The following NSMCE2 variants were observed in gnomAD, a reference collection of about 807,000 sequenced individuals.
The protein encoded by NSMCE2 is E3 SUMO-protein ligase NSE2.
In NSMCE2, 24 loss-of-function variants were observed where a neutral mutation model predicts 23.8. The observed-to-expected ratio is 1.01, with a 90% CI of 0.73 to 1.42. The LOEUF is 1.42. NSMCE2 is among the 40% of genes most tolerant of loss of function. NSMCE2 has a pLI of 0.00. For missense variants in NSMCE2, 284 were observed against 296.5 expected, an observed-to-expected ratio of 0.96 and a Z score of 0.31; for synonymous variants, 92 against 94.1, an observed-to-expected ratio of 0.98 and a Z score of 0.13.
chr8:125,354,012 A>C (rs1813150430), intron 5 of NSMCE2, among the ~76,000 whole-genome samples: 1 of 150,008 alleles, frequency 6.7e-6, no homozygotes, highest in South Asian at 2.1e-4. Context: ...GCTCACTGCA[A>C]TCTCCACCTC....
chr8:125,157,466 G>C (rs1184920568), intron 4 of NSMCE2, among the ~76,000 whole-genome samples: 1 of 152,204 alleles, frequency 6.6e-6, no homozygotes, highest in African/African-American at 2.4e-5. Flanking sequence ...TCACTCTTCA[G>C]ACACTTGGAA....
At chr8:125,291,112 A>G (rs751820734) in intron 5 of NSMCE2, among the ~76,000 whole-genome samples, 51 of 152,322 alleles carry the variant, frequency 3.3e-4, no homozygotes, top group Non-Finnish European at 5.4e-4. Flanking sequence ...TAAGAAAGTT[A>G]AAAGGGGGAG....
At chr8:125,348,149 T>G (rs1812860469) in intron 5 of NSMCE2, 1 of 152,202 alleles carries the variant, frequency 6.6e-6, no homozygotes, top group Non-Finnish European at 1.5e-5. Flanking sequence ...ATACCATGCA[T>G]GTCTAGCAGA....
At chr8:125,239,842 T>C (rs570454186) in intron 5 of NSMCE2, among the ~76,000 whole-genome samples, 20 of 152,174 alleles carry the variant, frequency 1.3e-4, no homozygotes, top group Middle Eastern at 3.2e-3. Flanking sequence ...TTCCTGCTAA[T>C]AGAAAAGTAT....
intron 5 of NSMCE2, among the ~76,000 whole-genome samples, chr8:125,303,720 T>G (rs977287688): frequency 6.6e-6 from 1 of 152,186 alleles, no homozygotes; most frequent in African/African-American, 2.4e-5. Context: ...AGAGGAAATT[T>G]AAATAGTACA....
chr8:125,267,105 A>G (rs375206345), intron 5 of NSMCE2, among the ~76,000 whole-genome samples: 1 of 149,222 alleles, frequency 6.7e-6, no homozygotes. Flanking sequence ...CCTGGGTTCA[A>G]GCAATTCTCT....
chr8:125,148,405 A>G (rs1450145509), intron 3 of NSMCE2, among the ~76,000 whole-genome samples: 1 of 152,188 alleles, frequency 6.6e-6, no homozygotes, highest in African/African-American at 2.4e-5. Context: ...GCTCTTTTGT[A>G]GCATTTTGAA....
intron 5 of NSMCE2, among the ~76,000 whole-genome samples, chr8:125,226,612 T>C (rs1171481963): frequency 6.6e-6 from 1 of 152,196 alleles, no homozygotes; most frequent in Non-Finnish European, 1.5e-5. Context: ...TCTCACTTTC[T>C]GACTCCTGGA....
At chr8:125,265,083 T>G (rs1826856712) in intron 5 of NSMCE2, among the ~76,000 whole-genome samples, 1 of 152,068 alleles carries the variant, frequency 6.6e-6, no homozygotes, top group Non-Finnish European at 1.5e-5. Context: ...TATATACAGT[T>G]CAACAGGGCC....
At chr8:125,132,075 A>G (rs540748282) in intron 3 of NSMCE2, among the ~76,000 whole-genome samples, 11 of 152,260 alleles carry the variant, frequency 7.2e-5, no homozygotes, top group East Asian at 3.9e-4. Flanking sequence ...CTAAAAATAT[A>G]TGTGTATTCA....
intron 7 of NSMCE2, among the ~76,000 whole-genome samples, chr8:125,359,419 C>T (rs547131626): frequency 4.0e-5 from 6 of 150,168 alleles, no homozygotes; most frequent in South Asian, 2.1e-4. Context: ...CCACAACCTC[C>T]GTCTCCCAGG....
At chr8:125,284,551 C>T (rs2131139510) in intron 5 of NSMCE2, among the ~76,000 whole-genome samples, 1 of 152,312 alleles carries the variant, frequency 6.6e-6, no homozygotes, top group South Asian at 2.1e-4. Context: ...TCAGGATTTT[C>T]AGTTCTTTCT....
At chr8:125,098,627 T>C (rs1360327501) in intron 1 of NSMCE2, among the ~76,000 whole-genome samples, 1 of 152,098 alleles carries the variant, frequency 6.6e-6, no homozygotes. Flanking sequence ...GGTTGGATTC[T>C]GGAGATAGTT....
intron 3 of NSMCE2, among the ~76,000 whole-genome samples, chr8:125,110,461 A>T (rs1818676275): frequency 6.6e-6 from 1 of 152,206 alleles, no homozygotes; most frequent in East Asian, 1.9e-4. Flanking sequence ...TTACATACTT[A>T]ACTGGTGCTC....
intron 5 of NSMCE2, among the ~76,000 whole-genome samples, chr8:125,352,840 G>A (rs1425037339): frequency 6.6e-6 from 1 of 152,152 alleles, no homozygotes; most frequent in Non-Finnish European, 1.5e-5. Context: ...GAATCCCAAC[G>A]CTAATGTCAA....
intron 5 of NSMCE2, among the ~76,000 whole-genome samples, chr8:125,197,562 T>C (rs541246975): frequency 1.3e-5 from 2 of 152,366 alleles, no homozygotes; most frequent in African/African-American, 4.8e-5. Context: ...TCTGTATATC[T>C]GTTTTGGTAC....
At chr8:125,094,627 C>T (rs1041587257) in intron 1 of NSMCE2, 1 of 152,234 alleles carries the variant, frequency 6.6e-6, no homozygotes, top group Non-Finnish European at 1.5e-5. Context: ...GATACTGTGT[C>T]TTTGTTCAAG....
chr8:125,325,128 G>A (rs1284644261), intron 5 of NSMCE2, among the ~76,000 whole-genome samples: 1 of 151,976 alleles, frequency 6.6e-6, no homozygotes, highest in African/African-American at 2.4e-5. Flanking sequence ...TAAAGATGGG[G>A]ACAGGAAGCT....
intron 5 of NSMCE2, among the ~76,000 whole-genome samples, chr8:125,352,508 G>T (rs988082694): frequency 1.3e-5 from 2 of 151,854 alleles, no homozygotes; most frequent in South Asian, 2.1e-4. Flanking sequence ...GGGAGCAGAG[G>T]AGCTCCCAGA....
Sources: gnomAD v4.1 joint callset for allele counts (sites outside exome capture counted in the v4.1 genomes callset) on GRCh38, gnomAD v4.1.1 for gene constraint, MANE v1.5 for transcripts, NCBI Gene and HGNC (gene_info 2026-07-23, HGNC 2026-07-21) for gene names.